The following SMAD2 variants were observed in gnomAD, a reference collection of about 807,000 sequenced individuals.
SMAD2 encodes MAD homolog 2.
Under a neutral mutation model 64.4 loss-of-function variants are expected in SMAD2, and 8 were observed. The ratio of observed to expected loss-of-function variants is 0.12; its 90% confidence interval spans 0.07 to 0.22. The LOEUF (loss-of-function observed/expected upper bound fraction) is 0.22. SMAD2 is among the 10% of genes least tolerant of loss of function. The pLI, the probability that SMAD2 is intolerant of heterozygous loss-of-function variation, is 1.00. For synonymous variants in SMAD2, 203 were observed against 195.8 expected, an observed-to-expected ratio of 1.04 and a Z score of -0.31; for missense variants, 289 against 561.2, an observed-to-expected ratio of 0.51 and a Z score of 4.90.
At chr18:47,888,241 A>T (rs7240107) in intron 2 of SMAD2, among the ~76,000 whole-genome samples, 7,121 of 152,256 alleles carry the variant, frequency 0.047, 553 homozygotes, top group African/African-American at 0.16. Flanking sequence ...GAGCTATCAA[A>T]CTAATGAGAT....
intron 1 of SMAD2, among the ~76,000 whole-genome samples, chr18:47,926,209 A>C (rs1007724584): frequency 6.6e-6 from 1 of 152,342 alleles, no homozygotes; most frequent in African/African-American, 2.4e-5. Context: ...TCATGAAATA[A>C]GCCATAAGCT....
At chr18:47,902,913 A>T (rs530595859) in intron 1 of SMAD2, among the ~76,000 whole-genome samples, 1 of 152,302 alleles carries the variant, frequency 6.6e-6, no homozygotes, top group Admixed American at 6.5e-5. Context: ...ATGCACACCG[A>T]CATGACATAT....
At chr18:47,927,203 C>G (rs2034800972) in intron 1 of SMAD2, among the ~76,000 whole-genome samples, 1 of 152,208 alleles carries the variant, frequency 6.6e-6, no homozygotes, top group South Asian at 2.1e-4. Flanking sequence ...AAGTGTACAT[C>G]TGTTCAGCAA....
At chr18:47,891,909 A>G (rs77892761) in intron 2 of SMAD2, among the ~76,000 whole-genome samples, 2 of 151,046 alleles carry the variant, frequency 1.3e-5, no homozygotes, top group Non-Finnish European at 3.0e-5. Flanking sequence ...TAAATACTAG[A>G]AAAAAAAATA....
Position 47,896,802 on chromosome 18 carries a change from T to A in SMAD2, c.-46A>T. On this transcript the variant is annotated 5_prime_UTR_variant, in exon 2 of 11. Coordinates refer to ENST00000262160, the MANE Select transcript of SMAD2 (RefSeq NM_005901.6). ...GCCACGCTAGGAAAACAGCCTCTTG[T>A]ATCGAACCTAGCAGAAATATTGAAA... is the stretch of plus-strand genomic sequence containing the variant. The A allele has an allele frequency of 6.3e-7, 1 of 1,591,404 alleles. No individual in the cohort carries two copies. Among genetic ancestry groups the A allele is most frequent in the Non-Finnish European group, 8.6e-7 (1 of 1,168,952 alleles).
chr18:47,874,850 G>A (rs943952575), intron 2 of SMAD2, among the ~76,000 whole-genome samples: 102 of 152,218 alleles, frequency 6.7e-4, no homozygotes, highest in African/African-American at 2.2e-3. Context: ...ATAAACATAC[G>A]TATTTTTGAG....
intron 6 of SMAD2, among the ~76,000 whole-genome samples, chr18:47,861,096 C>A (rs1240088653): frequency 1.3e-5 from 2 of 152,176 alleles, no homozygotes; most frequent in Non-Finnish European, 2.9e-5. Flanking sequence ...TGGCTCACGG[C>A]TGTAATCCCA....
chr18:47,922,120 C>T (rs912657233), intron 1 of SMAD2, among the ~76,000 whole-genome samples: 2 of 152,158 alleles, frequency 1.3e-5, no homozygotes, highest in African/African-American at 4.8e-5. Flanking sequence ...AAGTAGATTG[C>T]ACTTTTAAAA....
intron 10 of SMAD2, 159 bp downstream of exon 10, chr18:47,845,181 C>G (rs1434142608): frequency 8.1e-6 from 6 of 741,090 alleles, no homozygotes; most frequent in South Asian, 4.5e-5. Context: ...TAATTTGCAA[C>G]AGTTTTGAAT....
chr18:47,927,941 A>C (rs762502241), intron 1 of SMAD2, among the ~76,000 whole-genome samples: 7 of 152,190 alleles, frequency 4.6e-5, no homozygotes, highest in Non-Finnish European at 8.8e-5. Flanking sequence ...AATCTCTCAT[A>C]ACCTCTCTTA....
rs2144377957 is a variant in SMAD2 at position 47,869,286 on chromosome 18, T to A, written c.477A>T (p.Glu159Asp). 1 of 1,613,656 alleles carries A rather than the reference T, an allele frequency of 6.2e-7. No homozygotes were observed. Among genetic ancestry groups the A allele is most frequent in the Middle Eastern group, 1.7e-4 (1 of 6,058 alleles). Residue 159 changes from glutamate (E) to aspartate (D), a missense_variant, in exon 4 of 11, where the codon GAA becomes GAT. By Grantham distance (45) the Glu-to-Asp change is conservative (BLOSUM62 2). Coordinates refer to ENST00000262160, the MANE Select transcript of SMAD2 (RefSeq NM_005901.6). ...CEYAFNLKKD[E>D]VCVNPYHYQR... ...GATAGTGGTAAGGGTTTACACATACTTCATCCTTTTTAAGATTAAAAGCAT... is the reference window on the plus strand; with the variant it reads ...GATAGTGGTAAGGGTTTACACATACATCATCCTTTTTAAGATTAAAAGCAT...
At chr18:47,869,712 AAG>A (rs568316357) in intron 3 of SMAD2, among the ~76,000 whole-genome samples, 199 of 152,288 alleles carry the variant, frequency 1.3e-3, no homozygotes, top group African/African-American at 4.4e-3. Flanking sequence ...TTTTTTAAAA[AAG>A]AGAGTTTATG....
chr18:47,919,168 G>A (rs62088121), intron 1 of SMAD2, among the ~76,000 whole-genome samples: 39,215 of 151,910 alleles, frequency 0.26, 6,269 homozygotes, highest in East Asian at 0.38. Context: ...AGTCAAGAGA[G>A]CAATGGCTTC....
rs1912550220 is a variant in SMAD2 at position 47,820,906 on chromosome 18, C to T, written c.*20921G>A. 3.3e-5 allele frequency: 1 copy of T among 30,100 alleles called. No homozygotes were observed. The highest frequency in any genetic ancestry group is 7.3e-5 in the Non-Finnish European group (1 of 13,670). 1.9% of individuals were successfully genotyped at this position (30,100 alleles called of 1,614,324 possible). On this transcript the variant is annotated 3_prime_UTR_variant, in exon 11 of 11. Coordinates refer to ENST00000262160, the MANE Select transcript of SMAD2 (RefSeq NM_005901.6). ...GCTATACATGCACTATACACACACA[C>T]ACACACACACACACACACACACACA...
chr18:47,857,984 A>C (rs904682339), intron 6 of SMAD2, among the ~76,000 whole-genome samples: 2 of 152,108 alleles, frequency 1.3e-5, no homozygotes, highest in Non-Finnish European at 2.9e-5. Flanking sequence ...CCAAATTATC[A>C]CCTTTCCAAC....
At position 47,825,169 on chromosome 18, in the gene SMAD2, T is replaced by G. The variant is rs1912705543; in HGVS notation, c.*16658A>C. 6.6e-6 allele frequency: 1 copy of G among 152,200 alleles called. No homozygotes were observed. The highest frequency in any genetic ancestry group is 6.5e-5 in the Admixed American group (1 of 15,276). The allele number at this position is 152,200 out of a possible 1,614,324, so 9.4% of individuals were successfully genotyped here. On this transcript the variant is annotated 3_prime_UTR_variant, in exon 11 of 11. Transcript: ENST00000262160. Reference sequence around the variant, plus strand: ...ATGAGCGTGGGGAAGGGAAGCCCATTTAAACATATATTCAAGGAAAAATAT... The same window carrying G: ...ATGAGCGTGGGGAAGGGAAGCCCATGTAAACATATATTCAAGGAAAAATAT...
At chr18:47,845,089 C>A in intron 10 of SMAD2, 1 of 608,562 alleles carries the variant, frequency 1.6e-6, no homozygotes, top group Non-Finnish European at 2.9e-6. Context: ...CATATACACC[C>A]CTTTTATGAT....
intron 1 of SMAD2, among the ~76,000 whole-genome samples, chr18:47,910,286 G>A (rs928907685): frequency 2.6e-5 from 4 of 152,100 alleles, no homozygotes; most frequent in Admixed American, 1.3e-4. Context: ...CGACGTAACA[G>A]AGATCAGTGC....
Position 47,848,554 on chromosome 18 carries a change from T to G in SMAD2, c.918A>C (p.Ser306=), listed in dbSNP as rs770176613. The part of the protein sequence containing the change: ...SLTVDGFTDP[S]NSERFCLGLL... ...AACCTAAGCAGAACCTCTCTGAATT[T>G]GATGGGTCTGTAAAGCCATCTACAG... The change falls in exon 8 of 11, where the codon TCA becomes TCC. Residue 306 remains serine (S), a synonymous_variant. Transcript: ENST00000262160. 4 of 1,614,074 alleles carry G rather than the reference T, an allele frequency of 2.5e-6. No homozygotes were observed. Among genetic ancestry groups the G allele is most frequent in the Non-Finnish European group, 3.4e-6 (4 of 1,179,920 alleles).
Sources: allele counts gnomAD v4.1 joint callset (sites outside exome capture counted in the v4.1 genomes callset), GRCh38; gene constraint gnomAD v4.1.1; transcripts MANE v1.5; gene names NCBI Gene and HGNC (gene_info 2026-07-23, HGNC 2026-07-21).